Variants in CRNKL1 observed in about 807,000 individuals in gnomAD.
CRNKL1 encodes the protein crooked neck-like protein 1.
In CRNKL1, 35 loss-of-function variants were observed where a neutral mutation model predicts 103.7. The observed-to-expected ratio is 0.34, with a 90% confidence interval of 0.26 to 0.45. The LOEUF (loss-of-function observed/expected upper bound fraction) is 0.45, where lower values mean the gene tolerates loss of function less well. CRNKL1 is among the 20% of genes least tolerant of loss of function. The pLI, the probability that CRNKL1 is intolerant of heterozygous loss-of-function variation, is 1.00. For synonymous variants in CRNKL1, 267 were observed against 282.6 expected (o/e 0.94, Z 0.55); for missense variants, 645 against 836.0 (o/e 0.77, Z 2.82).
At chr20:20,052,227 C>G (rs936922928) in intron 1 of CRNKL1, 65 bp downstream of exon 1, 1 of 1,399,408 alleles carries the variant, frequency 7.1e-7, no homozygotes, top group South Asian at 1.3e-5. Flanking sequence ...AACCCGGGCA[C>G]CCTCAGGGCT....
upstream of CRNKL1, among the ~76,000 whole-genome samples, chr20:20,053,961 C>G (rs559876000): frequency 6.8e-6 from 1 of 147,956 alleles, no homozygotes; most frequent in East Asian, 2.0e-4. Flanking sequence ...TTCTCTCTTA[C>G]ATTTCTGTTG....
At chr20:20,038,127 T>C (rs1237990585) in intron 12 of CRNKL1, among the ~76,000 whole-genome samples, 1 of 150,914 alleles carries the variant, frequency 6.6e-6, no homozygotes, top group Non-Finnish European at 1.5e-5. Flanking sequence ...AATCTTGTGA[T>C]ACCCAAGCTA....
At chr20:20,047,689 C>G (rs1323691749) in intron 5 of CRNKL1, 76 bp downstream of exon 5, 2 of 1,452,484 alleles carry the variant, frequency 1.4e-6, no homozygotes. Flanking sequence ...GTGTCCTGAT[C>G]ATGAGACATC....
intron 8 of CRNKL1, 116 bp from the exon 9 acceptor site, chr20:20,041,741 T>A: frequency 1.4e-6 from 1 of 709,756 alleles, no homozygotes; most frequent in Non-Finnish European, 2.4e-6. Context: ...ACAGCATGTT[T>A]CACAAGTTGT....
At chr20:20,053,616 T>C (rs2043955862), upstream of CRNKL1, among the ~76,000 whole-genome samples, 1 of 152,214 alleles carries the variant, frequency 6.6e-6, no homozygotes, top group Non-Finnish European at 1.5e-5. Context: ...CGTCTACCAA[T>C]GCAGATATTA....
intron 5 of CRNKL1, among the ~76,000 whole-genome samples, chr20:20,047,309 A>C: frequency 6.6e-6 from 1 of 152,208 alleles, no homozygotes; most frequent in Non-Finnish European, 1.5e-5. Context: ...TTATTCCTTA[A>C]AATATACAGA....
At chr20:20,049,523 ATTCATTTTG>A in intron 2 of CRNKL1, 92 bp from the exon 3 acceptor site, 1 of 656,274 alleles carries the variant, frequency 1.5e-6, no homozygotes, top group Admixed American at 3.1e-5. Flanking sequence ...TAAAATGGTT[ATTCATTTTG>A]TTCATATTTA....
At chr20:20,050,319 G>A in intron 2 of CRNKL1, 151 bp downstream of exon 2, 1 of 549,376 alleles carries the variant, frequency 1.8e-6, no homozygotes, top group Admixed American at 3.5e-5. Context: ...TCAGAAAAAT[G>A]CTGTTATCTG....
In CRNKL1 at chr20:20,042,644, T is replaced by C. The variant is rs143838942; in HGVS notation, c.973-128A>G. Reference sequence around the variant, plus strand: ...AGCACCTTTTCTTCTAAATGTTACATGTTCTTTCATTTTAAAAACACCATC... The same window carrying C: ...AGCACCTTTTCTTCTAAATGTTACACGTTCTTTCATTTTAAAAACACCATC... On this transcript the variant is annotated intron_variant, in intron 7 of 13. Coordinates refer to ENST00000536226, the MANE Select transcript of CRNKL1 (RefSeq NM_001278628.2). 6.1e-4 allele frequency: 486 copies of C among 795,906 alleles called. 1 individual carries two copies. The African/African-American group carries it at 7.3e-3, about 12-fold the overall frequency. The allele number at this position is 795,906 out of a possible 1,614,324, so 49.3% of individuals were successfully genotyped here.
rs1026707922 is a variant in CRNKL1 at position 20,040,742 on chromosome 20, G to A, written c.1249C>T (p.Leu417=). The change falls in exon 10 of 14, where the codon CTG becomes TTG. Residue 417 remains leucine (L), a synonymous_variant. Coordinates refer to ENST00000536226, the MANE Select transcript of CRNKL1 (RefSeq NM_001278628.2). ...TGTCGTATTTCAAACTGTGCATACA[G>A]TATCCACATTTTGGCAAATGTGAAC... The part of the protein sequence containing the change: ...KKFTFAKMWI[L]YAQFEIRQKN... 6.8e-6 allele frequency: 11 copies of A among 1,610,850 alleles called. No homozygotes were observed. In the African/African-American group the frequency reaches 1.1e-4, roughly 16 times the overall value.
Position 20,037,462 on chromosome 20 carries a change from T to C in CRNKL1, c.1757A>G (p.Glu586Gly). The change falls in exon 13 of 14, where the codon GAA (glutamate) becomes GGA (glycine). Residue 586 changes from glutamate to glycine, a missense_variant. Glu to Gly is a moderately conservative substitution (Grantham distance 98). Coordinates refer to ENST00000536226, the MANE Select transcript of CRNKL1 (RefSeq NM_001278628.2). ...CAGCAGCATAAGTCTCTCTTCCTTT[T>C]CTTCACAGTTTCGCATGGTTTTGTT... is the stretch of plus-strand genomic sequence containing the variant. ...EANKTMRNCE[E>G]KEERLMLLES... is the part of the protein sequence containing the mutation. 1 of 1,614,216 alleles carries C rather than the reference T, an allele frequency of 6.2e-7. No individual in the cohort carries two copies. Among genetic ancestry groups the C allele is most frequent in the Non-Finnish European group, 8.5e-7 (1 of 1,180,046 alleles).
chr20:20,045,597 C>G, intron 5 of CRNKL1, 111 bp from the exon 6 acceptor site: 1 of 955,468 alleles, frequency 1.0e-6, no homozygotes, highest in Non-Finnish European at 1.6e-6. Flanking sequence ...ATTCAAACTA[C>G]AACTCTAGGG....
At chr20:20,051,603 A>G (rs2043736537) in intron 1 of CRNKL1, among the ~76,000 whole-genome samples, 1 of 152,230 alleles carries the variant, frequency 6.6e-6, no homozygotes, top group African/African-American at 2.4e-5. Flanking sequence ...AGTCAGACAA[A>G]TAGTTATGTA....
At chr20:20,043,442 G>C (rs367875493) in intron 7 of CRNKL1, 50 bp downstream of exon 7, 3 of 1,552,816 alleles carry the variant, frequency 1.9e-6, no homozygotes, top group Non-Finnish European at 1.8e-6. Context: ...TAGTATTGAT[G>C]AGCACATCTT....
At chr20:20,040,791 T>C (rs765559683) in intron 9 of CRNKL1, 25 bp from the exon 10 acceptor site, 5 of 1,511,644 alleles carry the variant, frequency 3.3e-6, no homozygotes, top group Non-Finnish European at 4.6e-6. Flanking sequence ...CACAAAAATA[T>C]CTAGCTTAAA....
At chr20:20,050,064 G>A (rs958884336) in intron 2 of CRNKL1, among the ~76,000 whole-genome samples, 11 of 152,102 alleles carry the variant, frequency 7.2e-5, no homozygotes, top group African/African-American at 1.4e-4. Flanking sequence ...TGATCTGCCC[G>A]CCTCGGCCTC....
Position 20,039,739 on chromosome 20 carries a change from A to C in CRNKL1, c.1415T>G (p.Leu472Arg). Reference sequence around the variant, plus strand: ...GGTACAATTTTCAGGTCCAAATTCCAGGAACTTTTCATAAAGCTTCCGGCA... The same window carrying C: ...GGTACAATTTTCAGGTCCAAATTCCCGGAACTTTTCATAAAGCTTCCGGCA... ...DRCRKLYEKF[L>R]EFGPENCTSW... is the part of the protein sequence containing the mutation. Residue 472 changes from leucine (L) to arginine (R), a missense_variant, in exon 11 of 14, where the codon CTG becomes CGG. Physicochemically the swap from Leu to Arg is moderately radical, Grantham distance 102. This residue lies in a region of CRNKL1 where 582 missense variants were observed against 707.7 expected (regional missense o/e 0.82). Transcript: ENST00000536226. 1 of 1,614,244 alleles carries C rather than the reference A, an allele frequency of 6.2e-7. No individual in the cohort carries two copies. The highest frequency in any genetic ancestry group is 8.5e-7 in the Non-Finnish European group (1 of 1,180,038).
At position 20,047,920 on chromosome 20, in the gene CRNKL1, G is replaced by A. The variant is rs757720422; in HGVS notation, c.467C>T (p.Thr156Met). Residue 156 changes from threonine to methionine, a missense_variant, in exon 5 of 14, where the codon ACG becomes ATG. Thr to Met is a moderately conservative substitution (Grantham distance 81). Around this residue, in one of 2 missense-constraint regions of CRNKL1, gnomAD observed 582 missense variants for 707.7 expected, o/e 0.82. Coordinates refer to ENST00000536226, the MANE Select transcript of CRNKL1 (RefSeq NM_001278628.2). ...PRVNQFWYKY[T>M]YMEEMLGNVA... ...GTTTCCCAACATTTCCTCCATGTAC[G>A]TGTACTTGTACCTGTAACAAAATCA... 4 of 1,613,886 alleles carry A rather than the reference G, an allele frequency of 2.5e-6. No homozygotes were observed. The highest frequency in any genetic ancestry group is 1.7e-5 in the Admixed American group (1 of 59,996).
chr20:20,037,278 T>C, intron 13 of CRNKL1, 45 bp downstream of exon 13: 1 of 1,586,098 alleles, frequency 6.3e-7, no homozygotes, highest in East Asian at 2.2e-5. Context: ...GAAGTGTTTC[T>C]ACTCATGTGA....
Sources: gnomAD v4.1 joint callset for allele counts (sites outside exome capture counted in the v4.1 genomes callset) on GRCh38, gnomAD v4.1.1 for gene constraint, gnomAD v4.1.1 regional missense constraint, MANE v1.5 for transcripts, NCBI Gene and HGNC (gene_info 2026-07-23, HGNC 2026-07-21) for gene names.